The following CCDC47 variants were observed in gnomAD, a reference collection of about 807,000 sequenced individuals.
CCDC47 encodes the protein coiled-coil domain containing 47, also known as PAT complex subunit CCDC47.
In CCDC47, 41 loss-of-function variants were observed where a neutral mutation model predicts 60.5. That is an observed-to-expected ratio of 0.68 (90% CI 0.53 to 0.88). The LOEUF (loss-of-function observed/expected upper bound fraction) is 0.88. CCDC47 is among the 40% of genes least tolerant of loss of function. The pLI, the probability that CCDC47 is intolerant of heterozygous loss-of-function variation, is 0.00. For synonymous variants in CCDC47, 195 were observed against 190.7 expected, an observed-to-expected ratio of 1.02 and a Z score of -0.18; for missense variants, 513 against 580.9, an observed-to-expected ratio of 0.88 and a Z score of 1.20.
At chr17:63,756,390 A>G (rs373357765) in intron 7 of CCDC47, 40 bp from the exon 8 acceptor site, 7 of 1,589,920 alleles carry the variant, frequency 4.4e-6, no homozygotes, top group African/African-American at 1.3e-5. Flanking sequence ...ATGACCTTTT[A>G]TTATGCAATG....
intron 1 of CCDC47, among the ~76,000 whole-genome samples, chr17:63,771,447 T>G (rs1237960220): frequency 6.6e-6 from 1 of 152,142 alleles, no homozygotes; most frequent in African/African-American, 2.4e-5. Flanking sequence ...AACATTCTTT[T>G]TATACTAGTT....
At position 63,764,763 on chromosome 17, in the gene CCDC47, T is replaced by A; in HGVS notation, c.349A>T (p.Lys117Ter). The change falls in exon 3 of 13, where the codon AAA becomes TAA. Residue 117 changes from lysine to a stop codon, truncating the protein, a stop_gained. Transcript: ENST00000225726. LOFTEE classifies it high-confidence loss of function. ...DKPDTSSSKN[K>*]DPITIVDVPA... ...ACATCAACAATCGTTATTGGGTCTTTATTTTTGCTAGAAGAAGTATCTGGT... is the reference window on the plus strand; with the variant it reads ...ACATCAACAATCGTTATTGGGTCTTAATTTTTGCTAGAAGAAGTATCTGGT... The A allele has an allele frequency of 6.2e-7, 1 of 1,613,366 alleles. No individual in the cohort carries two copies. The highest frequency in any genetic ancestry group is 8.5e-7 in the Non-Finnish European group (1 of 1,179,956).
In CCDC47 at chr17:63,766,114, T is replaced by G. The variant is rs2039296410; in HGVS notation, c.62A>C (p.Lys21Thr). The change falls in exon 2 of 13, where the codon AAG becomes ACG. Residue 21 changes from lysine to threonine, a missense_variant. Physicochemically the swap from Lys to Thr is moderately conservative, Grantham distance 78. Transcript: ENST00000225726. ...CTCCTCATCCTCAAAATCATCAAAC[T>G]TGGCTTCAGAGACACTCCCAAACAC... ...LLVFGSVSEA[K>T]FDDFEDEEDI... is the part of the protein sequence containing the mutation. 1 of 1,613,826 alleles carries G rather than the reference T, an allele frequency of 6.2e-7. No homozygotes were observed. Among genetic ancestry groups the G allele is most frequent in the Non-Finnish European group, 8.5e-7 (1 of 1,180,000 alleles).
At chr17:63,772,533 G>A (rs1244750690) in intron 1 of CCDC47, among the ~76,000 whole-genome samples, 1 of 152,082 alleles carries the variant, frequency 6.6e-6, no homozygotes, top group African/African-American at 2.4e-5. Flanking sequence ...GATTACAGAC[G>A]TGGGCCACCG....
chr17:63,761,981 A>G (rs1020492932), intron 4 of CCDC47: 1 of 804,348 alleles, frequency 1.2e-6, no homozygotes, highest in African/African-American at 1.9e-5. Context: ...ATCTCTGCCA[A>G]AAGTTAAAAA....
At chr17:63,749,498 A>G (rs2039146353) in intron 12 of CCDC47, among the ~76,000 whole-genome samples, 1 of 151,570 alleles carries the variant, frequency 6.6e-6, no homozygotes. Flanking sequence ...TCACGCCTGT[A>G]ATCCCAGCAC....
At chr17:63,756,373 G>A in intron 7 of CCDC47, 23 bp from the exon 8 acceptor site, 4 of 1,598,012 alleles carry the variant, frequency 2.5e-6, no homozygotes, top group South Asian at 1.1e-5. Flanking sequence ...GTAATTGAAA[G>A]TAAGATATGA....
At position 63,758,071 on chromosome 17, in the gene CCDC47, C is replaced by T. The variant is rs1179866998; in HGVS notation, c.736-1501G>A. ...GGGAGGGTGGTGTGCTCAGGGAGGG[C>T]ATGAAAGCTCCGAACGACTCCCAAC... On this transcript the variant is annotated intron_variant, in intron 6 of 12. Coordinates refer to ENST00000225726, the MANE Select transcript of CCDC47 (RefSeq NM_020198.3). 3.9e-5 allele frequency among the ~76,000 whole-genome samples: 6 copies of T among 152,088 alleles called. No individual in the cohort carries two copies. The East Asian group carries it at 9.7e-4, about 25-fold the overall frequency.
chr17:63,769,220 A>G (rs1479999097), intron 1 of CCDC47, among the ~76,000 whole-genome samples: 2 of 151,486 alleles, frequency 1.3e-5, no homozygotes, highest in Non-Finnish European at 2.9e-5. Flanking sequence ...ACTGCACTAC[A>G]GCCTGGGCAA....
intron 6 of CCDC47, among the ~76,000 whole-genome samples, chr17:63,759,509 ATATATATATATATATATT>A (rs2039235206): frequency 1.3e-4 from 3 of 23,154 alleles, no homozygotes; most frequent in Non-Finnish European, 2.0e-4. Context: ...AAAAAAAAAA[ATATATATATATATATATT>A]TATATATATA....
At chr17:63,759,530 TATA>T (rs2039237212) in intron 6 of CCDC47, among the ~76,000 whole-genome samples, 1 of 2,304 alleles carries the variant, frequency 4.3e-4, no homozygotes, top group Non-Finnish European at 7.2e-4. Flanking sequence ...TATATATTTA[TATA>T]TATATATATA....
intron 8 of CCDC47, 147 bp from the exon 9 acceptor site, chr17:63,754,665 G>T: frequency 1.8e-6 from 1 of 553,332 alleles, no homozygotes; most frequent in Non-Finnish European, 3.2e-6. Flanking sequence ...TTGAGGCAAG[G>T]AGTTTGAGAA....
intron 4 of CCDC47, chr17:63,762,337 T>G: frequency 1.4e-6 from 1 of 691,812 alleles, no homozygotes; most frequent in Non-Finnish European, 1.8e-6. Flanking sequence ...TGAAATACTA[T>G]GGTATAGTGG....
chr17:63,762,243 C>G (rs1372665382), intron 4 of CCDC47: 44 of 985,224 alleles, frequency 4.5e-5, no homozygotes, highest in Non-Finnish European at 5.3e-5. Context: ...GACTGATACA[C>G]CAAATGAAAA....
chr17:63,757,039 G>T lies in CCDC47; in HGVS notation c.736-469C>A, dbSNP rs180796871. On this transcript the variant is annotated intron_variant, in intron 6 of 12. Transcript: ENST00000225726. ...CTGAGGCATGACTGCTTGATGTCAG[G>T]AGTTTGAGACCAGACCCGATCTCTA... Among the ~76,000 whole-genome samples the T allele has an allele frequency of 1.6e-3, 239 of 151,952 alleles. 1 individual carries two copies. The highest frequency in any genetic ancestry group is 5.5e-3 in the African/African-American group (227 of 41,398).
chr17:63,764,962 A>T (rs1444046776), intron 2 of CCDC47, 115 bp from the exon 3 acceptor site: 3 of 1,467,770 alleles, frequency 2.0e-6, no homozygotes, highest in Non-Finnish European at 2.7e-6. Flanking sequence ...CAAGCACAGA[A>T]AACAGATGTT....
chr17:63,755,827 C>T (rs2039201320), intron 8 of CCDC47, among the ~76,000 whole-genome samples: 1 of 151,272 alleles, frequency 6.6e-6, no homozygotes, highest in Non-Finnish European at 1.5e-5. Flanking sequence ...ATAGCCACTG[C>T]ACTCCAGCCT....
chr17:63,762,127 G>A, intron 4 of CCDC47: 1 of 984,766 alleles, frequency 1.0e-6, no homozygotes, highest in Non-Finnish European at 1.2e-6. Context: ...ATGGTATTAA[G>A]AGTTGTATTT....
At chr17:63,759,334 C>T (rs1269621089) in intron 6 of CCDC47, among the ~76,000 whole-genome samples, 1 of 148,240 alleles carries the variant, frequency 6.7e-6, no homozygotes, top group Non-Finnish European at 1.5e-5. Flanking sequence ...ACTAAAAATA[C>T]AAAAATTAGC....
Sources: gnomAD v4.1 joint callset for allele counts (sites outside exome capture counted in the v4.1 genomes callset) on GRCh38, gnomAD v4.1.1 for gene constraint, MANE v1.5 for transcripts, NCBI Gene and HGNC (gene_info 2026-07-23, HGNC 2026-07-21) for gene names.